Variants in ROBO2 observed in about 807,000 individuals in gnomAD.
ROBO2 encodes roundabout guidance receptor 2.
A neutral mutation model predicts 160.8 loss-of-function variants in ROBO2; 53 were observed. The observed-to-expected ratio is 0.33, with a 90% CI of 0.26 to 0.41. ROBO2 has a LOEUF of 0.41. Ranked by LOEUF, ROBO2 falls within the 10% of genes least tolerant of loss-of-function variation. The pLI is 1.00. For missense variants in ROBO2, 1,577 were observed against 1,722.4 expected (o/e 0.92, Z 1.49); for synonymous variants, 664 against 611.7 (o/e 1.09, Z -1.26).
At chr3:76,036,089 A>C (rs944581105) in intron 2 of ROBO2, among the ~76,000 whole-genome samples, 4 of 151,904 alleles carry the variant, frequency 2.6e-5, no homozygotes, top group Non-Finnish European at 5.9e-5. Context: ...AAACTTCTAC[A>C]CATTTCTTTG....
intron 2 of ROBO2, among the ~76,000 whole-genome samples, chr3:76,582,214 A>G (rs1330882365): frequency 6.6e-6 from 1 of 152,198 alleles, no homozygotes; most frequent in African/African-American, 2.4e-5. Context: ...CATCTCCTTT[A>G]AAAATGATTC....
intron 2 of ROBO2, among the ~76,000 whole-genome samples, chr3:76,166,873 A>G (rs2072859688): frequency 6.6e-6 from 1 of 152,162 alleles, no homozygotes. Flanking sequence ...TTGGCCTGAC[A>G]TGTGCACTTA....
At chr3:77,246,948 C>T (rs2089797676) in intron 2 of ROBO2, among the ~76,000 whole-genome samples, 1 of 152,016 alleles carries the variant, frequency 6.6e-6, no homozygotes, top group South Asian at 2.1e-4. Flanking sequence ...AAAGGCTTTA[C>T]TATTTAACTG....
intron 2 of ROBO2, among the ~76,000 whole-genome samples, chr3:76,566,689 A>G (rs1362841529): frequency 6.6e-6 from 1 of 152,182 alleles, no homozygotes; most frequent in Non-Finnish European, 1.5e-5. Flanking sequence ...GCCTAACAGC[A>G]TGCCAAAAAT....
chr3:76,689,057 T>C (rs1405733615), intron 2 of ROBO2, among the ~76,000 whole-genome samples: 1 of 152,082 alleles, frequency 6.6e-6, no homozygotes, highest in Non-Finnish European at 1.5e-5. Context: ...TAATACATAA[T>C]GTTAAATGCG....
intron 2 of ROBO2, among the ~76,000 whole-genome samples, chr3:76,184,493 A>G (rs978066990): frequency 1.3e-5 from 2 of 152,178 alleles, no homozygotes; most frequent in Middle Eastern, 3.4e-3. Flanking sequence ...TGCAAAACAC[A>G]TTTCAAAGAA....
intron 1 of ROBO2, among the ~76,000 whole-genome samples, chr3:77,042,531 T>G (rs57050685): frequency 0.25 from 38,118 of 152,138 alleles, 5,151 homozygotes; most frequent in Admixed American, 0.33. Context: ...GGAATACAAT[T>G]AAATTGCTCA....
At chr3:76,088,400 G>A (rs967612278) in intron 2 of ROBO2, among the ~76,000 whole-genome samples, 5 of 151,964 alleles carry the variant, frequency 3.3e-5, no homozygotes, top group African/African-American at 1.2e-4. Context: ...TACTTTATCT[G>A]ACAATAGCGT....
intron 2 of ROBO2, among the ~76,000 whole-genome samples, chr3:77,474,413 G>A (rs75081452): frequency 6.6e-6 from 1 of 152,022 alleles, no homozygotes; most frequent in Non-Finnish European, 1.5e-5. Context: ...GCTTTCCCTT[G>A]GCCCCTACAA....
chr3:76,865,880 G>A (rs1191271109), intron 2 of ROBO2, among the ~76,000 whole-genome samples: 1 of 151,990 alleles, frequency 6.6e-6, no homozygotes, highest in Non-Finnish European at 1.5e-5. Flanking sequence ...TAGAATTTTA[G>A]GATCAATTAT....
intron 2 of ROBO2, among the ~76,000 whole-genome samples, chr3:76,306,473 G>T (rs927299087): frequency 5.3e-5 from 8 of 151,852 alleles, no homozygotes; most frequent in African/African-American, 1.9e-4. Flanking sequence ...AATTCAGGGG[G>T]TATAATTAGA....
chr3:76,279,185 A>G (rs1341205250), intron 2 of ROBO2, among the ~76,000 whole-genome samples: 1 of 151,492 alleles, frequency 6.6e-6, no homozygotes, highest in Non-Finnish European at 1.5e-5. Context: ...GAATAGGATG[A>G]CCATTGCAAG....
chr3:75,947,652 G>A (rs62267164), intron 2 of ROBO2, among the ~76,000 whole-genome samples: 265 of 143,390 alleles, frequency 1.8e-3, no homozygotes, highest in Admixed American at 3.0e-3. Context: ...ACTGAAGTGT[G>A]TAGGGTAGAG....
intron 21 of ROBO2, among the ~76,000 whole-genome samples, chr3:77,616,624 T>C (rs375181552): frequency 2.6e-4 from 39 of 152,268 alleles, no homozygotes; most frequent in Non-Finnish European, 3.7e-4. Flanking sequence ...AAGACCACTA[T>C]ATCCAATAAT....
intron 2 of ROBO2, among the ~76,000 whole-genome samples, chr3:76,951,452 C>T (rs560434494): frequency 6.6e-6 from 1 of 152,318 alleles, no homozygotes; most frequent in East Asian, 1.9e-4. Flanking sequence ...TACTTCCCTA[C>T]ATTACATATA....
At chr3:76,662,933 A>T (rs572480415) in intron 2 of ROBO2, among the ~76,000 whole-genome samples, 1 of 152,304 alleles carries the variant, frequency 6.6e-6, no homozygotes, top group South Asian at 2.1e-4. Flanking sequence ...TGAACAGGGA[A>T]ATGCAGAAAA....
chr3:77,470,040 G>T (rs2083198794), intron 2 of ROBO2, among the ~76,000 whole-genome samples: 1 of 152,174 alleles, frequency 6.6e-6, no homozygotes, highest in South Asian at 2.1e-4. Context: ...CAAAGGGACA[G>T]CTAGGAGTTA....
At chr3:77,631,696 C>T (rs1041878258) in intron 23 of ROBO2, 5 of 151,884 alleles carry the variant, frequency 3.3e-5, no homozygotes, top group African/African-American at 1.2e-4. Flanking sequence ...GCTCTTTAAA[C>T]GTAAAATTAA....
At chr3:77,095,350 A>AT (rs750074680) in intron 1 of ROBO2, among the ~76,000 whole-genome samples, 1 of 151,952 alleles carries the variant, frequency 6.6e-6, no homozygotes. Flanking sequence ...TAGCTTAGCT[A>AT]TTTTTTCACT....
Sources: gnomAD v4.1 joint callset for allele counts (sites outside exome capture counted in the v4.1 genomes callset) on GRCh38, gnomAD v4.1.1 for gene constraint, MANE v1.5 for transcripts, NCBI Gene and HGNC (gene_info 2026-07-23, HGNC 2026-07-21) for gene names.